Variants in RPTOR observed in about 807,000 individuals in gnomAD.
RPTOR encodes regulatory associated protein of MTOR complex 1, also known as regulatory-associated protein of mTOR.
RPTOR carries 21 observed loss-of-function variants against 169.9 expected under a neutral mutation model. The observed-to-expected ratio is 0.12, with a 90% CI of 0.09 to 0.18. The LOEUF (loss-of-function observed/expected upper bound fraction) is 0.18, where lower values mean the gene tolerates loss of function less well. Among genes scored for constraint, RPTOR ranks in the 10% least tolerant of loss-of-function variants. The pLI is 1.00. For synonymous variants in RPTOR, 732 were observed against 753.2 expected (o/e 0.97, Z 0.46); for missense variants, 1,133 against 1,855.9 (o/e 0.61, Z 7.16).
At chr17:80,593,764 T>A (rs2065124495) in intron 1 of RPTOR, 1 of 152,218 alleles carries the variant, frequency 6.6e-6, no homozygotes, top group South Asian at 2.1e-4. Context: ...ATTTTTTGTT[T>A]GGGAAAATAG....
chr17:80,551,881 C>G (rs368241014), intron 1 of RPTOR, among the ~76,000 whole-genome samples: 1 of 152,110 alleles, frequency 6.6e-6, no homozygotes, highest in Non-Finnish European at 1.5e-5. Context: ...TGTGGCCTTC[C>G]GCAGTGTTTG....
At chr17:80,719,211 G>A (rs1030688034) in intron 4 of RPTOR, among the ~76,000 whole-genome samples, 5 of 152,152 alleles carry the variant, frequency 3.3e-5, no homozygotes, top group Non-Finnish European at 7.3e-5. Flanking sequence ...GAGCAGAAGA[G>A]GATCCTGGCA....
intron 3 of RPTOR, among the ~76,000 whole-genome samples, chr17:80,663,570 T>G (rs2065740832): frequency 6.6e-6 from 1 of 152,204 alleles, no homozygotes; most frequent in Non-Finnish European, 1.5e-5. Flanking sequence ...CAGTCCACAT[T>G]CCTGAATGGC....
At chr17:80,946,054 C>T (rs1360384065) in intron 26 of RPTOR, among the ~76,000 whole-genome samples, 3 of 152,138 alleles carry the variant, frequency 2.0e-5, no homozygotes, top group Non-Finnish European at 2.9e-5. Flanking sequence ...CAGGGACTCC[C>T]CAGTGACACT....
chr17:80,883,023 T>C (rs1332694951), intron 14 of RPTOR, among the ~76,000 whole-genome samples: 1 of 152,222 alleles, frequency 6.6e-6, no homozygotes, highest in East Asian at 1.9e-4. Flanking sequence ...GAGCGCTGCC[T>C]CCATGCCTTT....
chr17:80,593,258 T>C, intron 1 of RPTOR: 1 of 154,948 alleles, frequency 6.5e-6, no homozygotes, highest in South Asian at 2.0e-4. Flanking sequence ...TTAAAAAACC[T>C]GTGTCTTCCA....
intron 7 of RPTOR, among the ~76,000 whole-genome samples, chr17:80,821,592 C>T (rs913237987): frequency 6.6e-6 from 1 of 152,164 alleles, no homozygotes; most frequent in African/African-American, 2.4e-5. Context: ...CACTCTCTGT[C>T]GTATTTGTCT....
chr17:80,932,665 A>C (rs939823720), intron 24 of RPTOR, among the ~76,000 whole-genome samples: 1 of 152,210 alleles, frequency 6.6e-6, no homozygotes, highest in South Asian at 2.1e-4. Context: ...GAAAGTACCC[A>C]AAATGAAGCA....
intron 28 of RPTOR, among the ~76,000 whole-genome samples, chr17:80,953,495 C>G (rs2069208681): frequency 1.3e-5 from 2 of 152,256 alleles, no homozygotes; most frequent in South Asian, 4.1e-4. Context: ...AAGCCAAGCC[C>G]TCTGTGCTTG....
At chr17:80,843,211 C>T (rs1407710380) in intron 10 of RPTOR, among the ~76,000 whole-genome samples, 1 of 152,160 alleles carries the variant, frequency 6.6e-6, no homozygotes. Context: ...TAATATTGAG[C>T]CTTCTCCTCC....
chr17:80,694,064 G>A (rs1396386974), intron 3 of RPTOR, among the ~76,000 whole-genome samples: 1 of 152,268 alleles, frequency 6.6e-6, no homozygotes, highest in African/African-American at 2.4e-5. Context: ...AAAGAGCGCT[G>A]TCAAGAATGC....
chr17:80,824,153 T>C (rs1439551416), intron 9 of RPTOR, among the ~76,000 whole-genome samples: 1 of 152,228 alleles, frequency 6.6e-6, no homozygotes, highest in African/African-American at 2.4e-5. Context: ...ATAATCTAAT[T>C]TTTAATGTTT....
At chr17:80,723,626 T>C (rs1418810428) in intron 4 of RPTOR, among the ~76,000 whole-genome samples, 1 of 151,364 alleles carries the variant, frequency 6.6e-6, no homozygotes. Context: ...GAGTGGGATT[T>C]AGAAACCAAG....
chr17:80,964,210 GCA>G, intron 33 of RPTOR, 50 bp from the exon 34 acceptor site: 8 of 563,396 alleles, frequency 1.4e-5, no homozygotes, highest in Non-Finnish European at 2.0e-5. Context: ...CCCGCCCCCC[GCA>G]GTGTCTGCCC....
intron 1 of RPTOR, among the ~76,000 whole-genome samples, chr17:80,614,733 G>A (rs2065296191): frequency 6.6e-6 from 1 of 152,214 alleles, no homozygotes; most frequent in Non-Finnish European, 1.5e-5. Flanking sequence ...AGCCAAGAGA[G>A]GCTTTGAAGC....
chr17:80,565,084 T>A lies in RPTOR; in HGVS notation c.162+19293T>A, dbSNP rs183450137. Among the ~76,000 whole-genome samples, 4 of 152,330 alleles carry A rather than the reference T, an allele frequency of 2.6e-5. No homozygotes were observed. The East Asian group carries it at 7.7e-4, about 29-fold the overall frequency. ...ATTGTGAGTAGTGCTGCAGTGAACA[T>A]AAGCATGCGTGTCTTTATGGTAGAA... On this transcript the variant is annotated intron_variant, in intron 1 of 33. Transcript: ENST00000306801.
intron 13 of RPTOR, among the ~76,000 whole-genome samples, chr17:80,866,114 TAG>T: frequency 6.7e-6 from 1 of 150,358 alleles, no homozygotes; most frequent in Admixed American, 6.7e-5. Flanking sequence ...TTAAGATACA[TAG>T]ATATTATAAG....
intron 21 of RPTOR, among the ~76,000 whole-genome samples, chr17:80,917,536 G>C (rs1158933316): frequency 6.6e-6 from 1 of 152,124 alleles, no homozygotes; most frequent in Non-Finnish European, 1.5e-5. Flanking sequence ...CTCTCAAGCT[G>C]CCTGAATCGT....
chr17:80,779,748 C>T (rs1270893764), intron 6 of RPTOR, among the ~76,000 whole-genome samples: 1 of 152,204 alleles, frequency 6.6e-6, no homozygotes, highest in East Asian at 1.9e-4. Flanking sequence ...CAGCTCTTGG[C>T]ATAGTTTCCC....
Sources: gnomAD v4.1 joint callset for allele counts (sites outside exome capture counted in the v4.1 genomes callset) on GRCh38, gnomAD v4.1.1 for gene constraint, MANE v1.5 for transcripts, NCBI Gene and HGNC (gene_info 2026-07-23, HGNC 2026-07-21) for gene names.